The following HPS6 variants were observed in gnomAD, a reference collection of about 807,000 sequenced individuals.
The protein encoded by HPS6 is BLOC-2 complex member HPS6.
A neutral mutation model predicts 53.6 loss-of-function variants in HPS6; 46 were observed. The observed-to-expected ratio is 0.86, with a 90% CI of 0.68 to 1.10. HPS6 has a LOEUF of 1.10. HPS6 is among the 50% of genes least tolerant of loss of function. The probability of loss-of-function intolerance (pLI) is 0.00; values close to 1 mark genes in which losing one functional copy is unlikely to be tolerated. For synonymous variants in HPS6, 535 were observed against 470.8 expected (o/e 1.14, Z -1.77); for missense variants, 1,034 against 991.3 (o/e 1.04, Z -0.58).
chr10:102,066,416 T>C lies in HPS6; in HGVS notation c.942T>C (p.Ser314=). ...LQEAPVGPWG[S]AALGTFQGTL... is the part of the protein sequence containing the mutation. ...AGGCACCTGTAGGCCCGTGGGGGTCTGCAGCCCTAGGCACATTTCAGGGCA... is the reference window on the plus strand; with the variant it reads ...AGGCACCTGTAGGCCCGTGGGGGTCCGCAGCCCTAGGCACATTTCAGGGCA... Residue 314 remains serine, a synonymous_variant, in exon 1 of 1, where the codon TCT becomes TCC. Coordinates refer to ENST00000299238, the MANE Select transcript of HPS6 (RefSeq NM_024747.6). 1 of 1,614,084 alleles carries C rather than the reference T, an allele frequency of 6.2e-7. No individual in the cohort carries two copies. The highest frequency in any genetic ancestry group is 8.5e-7 in the Non-Finnish European group (1 of 1,180,030).
chr10:102,067,394 C>T lies in HPS6; in HGVS notation c.1920C>T (p.Val640=), dbSNP rs750596717. 8.1e-6 allele frequency: 13 copies of T among 1,612,754 alleles called. No individual in the cohort carries two copies. Among genetic ancestry groups the T allele is most frequent in the African/African-American group, 6.7e-5 (5 of 74,940 alleles). The change falls in exon 1 of 1, where the codon GTC becomes GTT. Residue 640 remains valine, a synonymous_variant. Transcript: ENST00000299238. ...SGRPKAVLQA[V]GQLVQKEQWD... ...GGCCTAAAGCTGTGCTCCAAGCTGT[C>T]GGGCAGCTGGTGCAAAAGGAACAAT...
chr10:102,066,289 C>T lies in HPS6; in HGVS notation c.815C>T (p.Thr272Ile), dbSNP rs281865109. The T allele has an allele frequency of 1.2e-6, 2 of 1,614,058 alleles. No individual in the cohort carries two copies. Among genetic ancestry groups the T allele is most frequent in the Non-Finnish European group, 1.7e-6 (2 of 1,180,026 alleles). ...LSPREPLAVH[T>I]WAPTPQGLLL... is the part of the protein sequence containing the mutation. Reference sequence around the variant, plus strand: ...CCCAGGGAGCCACTGGCTGTACACACCTGGGCCCCAACTCCCCAGGGCCTG... The same window carrying T: ...CCCAGGGAGCCACTGGCTGTACACATCTGGGCCCCAACTCCCCAGGGCCTG... The change falls in exon 1 of 1, where the codon ACC (threonine) becomes ATC (isoleucine). Residue 272 changes from threonine (T) to isoleucine (I), a missense_variant. By Grantham distance (89) the Thr-to-Ile change is moderately conservative. Coordinates refer to ENST00000299238, the MANE Select transcript of HPS6 (RefSeq NM_024747.6).
Position 102,067,587 on chromosome 10 carries a change from C to T in HPS6, c.2113C>T (p.Leu705=). Residue 705 remains leucine (L), a synonymous_variant, in exon 1 of 1, where the codon CTG becomes TTG. Coordinates refer to ENST00000299238, the MANE Select transcript of HPS6 (RefSeq NM_024747.6). ...CPPELAPAEL[L]LLLRTYLPDE... is the part of the protein sequence containing the mutation. The stretch of plus-strand genomic sequence containing the variant: ...ACCAGAACTGGCTCCAGCTGAGCTC[C>T]TGCTTCTACTGAGGACATACCTCCC... The T allele has an allele frequency of 1.2e-6, 2 of 1,613,826 alleles. No homozygotes were observed. The highest frequency in any genetic ancestry group is 1.7e-5 in the Admixed American group (1 of 60,020).
At position 102,065,496 on chromosome 10, in the gene HPS6, C is replaced by T; in HGVS notation, c.22C>T (p.Arg8Trp). 2 of 1,559,666 alleles carry T rather than the reference C, an allele frequency of 1.3e-6. No homozygotes were observed. The highest frequency in any genetic ancestry group is 8.6e-7 in the Non-Finnish European group (1 of 1,164,166). The change falls in exon 1 of 1, where the codon CGG becomes TGG. Residue 8 changes from arginine to tryptophan, a missense_variant. Transcript: ENST00000299238. MKRSGTL[R>W]LLSDLSAFGG... ...CGCCATGAAGCGCTCGGGGACTCTG[C>T]GGCTGCTCTCGGACCTGAGCGCCTT...
chr10:102,065,986 G>T lies in HPS6; in HGVS notation c.512G>T (p.Ser171Ile), dbSNP rs202026453. The change falls in exon 1 of 1, where the codon AGC (serine) becomes ATC (isoleucine). Residue 171 changes from serine (S) to isoleucine (I), a missense_variant. By Grantham distance (142) the Ser-to-Ile change is moderately radical. Coordinates refer to ENST00000299238, the MANE Select transcript of HPS6 (RefSeq NM_024747.6). ...HCVCVRTLEP[S>I]GEASTSLGRT... ...GTGTGCGTCCGGACTCTGGAGCCCA[G>T]CGGGGAAGCTAGCACCAGCCTGGGC... 59 of 1,600,508 alleles carry T rather than the reference G, an allele frequency of 3.7e-5. No individual in the cohort carries two copies. In the African/African-American group the frequency reaches 5.6e-4, roughly 15 times the overall value.
chr10:102,066,758 C>G lies in HPS6; in HGVS notation c.1284C>G (p.His428Gln). Residue 428 changes from histidine to glutamine, a missense_variant, in exon 1 of 1, where the codon CAC becomes CAG. Transcript: ENST00000299238. ...AGCTCACTCCAGAAGAACTGAGACA[C>G]AGCAGCACATTCCGGGCACCTCAGG... is the stretch of plus-strand genomic sequence containing the variant. The part of the protein sequence containing the change: ...GAQLTPEELR[H>Q]SSTFRAPQAL... 6.2e-7 allele frequency: 1 copy of G among 1,614,142 alleles called. No homozygotes were observed. The highest frequency in any genetic ancestry group is 1.1e-5 in the South Asian group (1 of 91,090).
rs200340404 is a variant in HPS6 at position 102,067,497 on chromosome 10, C to G, written c.2023C>G (p.Leu675Val). 1 of 1,613,800 alleles carries G rather than the reference C, an allele frequency of 6.2e-7. No homozygotes were observed. The highest frequency in any genetic ancestry group is 2.2e-5 in the East Asian group (1 of 44,890). Residue 675 changes from leucine to valine, a missense_variant, in exon 1 of 1, where the codon CTG becomes GTG. Leu to Val is a conservative substitution (Grantham distance 32, BLOSUM62 1). Coordinates refer to ENST00000299238, the MANE Select transcript of HPS6 (RefSeq NM_024747.6). ...LLRSEIFKLL[L>V]AEFAQHRRLD... is the part of the protein sequence containing the mutation. The stretch of plus-strand genomic sequence containing the variant: ...TCGAAGTGAAATCTTCAAACTGCTG[C>G]TGGCCGAGTTTGCCCAGCACCGCCG...
rs1462666008 is a variant in HPS6, at chr10:102,067,217, A to G, written c.1743A>G (p.Pro581=). 1 of 1,611,808 alleles carries G rather than the reference A, an allele frequency of 6.2e-7. No individual in the cohort carries two copies. The highest frequency in any genetic ancestry group is 1.7e-5 in the Admixed American group (1 of 60,014). The part of the protein sequence containing the change: ...CLCQLEPRWL[P]PFVELAQQQG... ...GCCAGCTGGAGCCTCGATGGCTGCC[A>G]CCCTTTGTGGAGCTGGCACAGCAGC... The change falls in exon 1 of 1, where the codon CCA becomes CCG. Residue 581 remains proline (P), a synonymous_variant. Transcript: ENST00000299238.
chr10:102,065,512 T>G lies in HPS6; in HGVS notation c.38T>G (p.Leu13Arg), dbSNP rs776488471. The G allele has an allele frequency of 1.3e-5, 20 of 1,556,396 alleles. No individual in the cohort carries two copies. The highest frequency in any genetic ancestry group is 1.6e-5 in the Non-Finnish European group (19 of 1,162,852). ...RSGTLRLLSDLSAFGGAARLR... is the reference protein window; with the variant it reads ...RSGTLRLLSDRSAFGGAARLR... ...GGGACTCTGCGGCTGCTCTCGGACC[T>G]GAGCGCCTTCGGCGGCGCGGCGCGG... The change falls in exon 1 of 1, where the codon CTG becomes CGG. Residue 13 changes from leucine (L) to arginine (R), a missense_variant. Leu to Arg is a moderately radical substitution (Grantham distance 102). Coordinates refer to ENST00000299238, the MANE Select transcript of HPS6 (RefSeq NM_024747.6).
In HPS6 at chr10:102,065,429, G is replaced by A. The variant is rs2067959738; in HGVS notation, c.-46G>A. Reference sequence around the variant, plus strand: ...AGAATCGGGCCTCGCCCTGCTGGGCGGCTGGACCTGGGCAAAGCCTGGGCG... The same window carrying A: ...AGAATCGGGCCTCGCCCTGCTGGGCAGCTGGACCTGGGCAAAGCCTGGGCG... On this transcript the variant is annotated 5_prime_UTR_variant, in exon 1 of 1. Coordinates refer to ENST00000299238, the MANE Select transcript of HPS6 (RefSeq NM_024747.6). The A allele has an allele frequency of 2.6e-6, 4 of 1,516,408 alleles. No individual in the cohort carries two copies. The highest frequency in any genetic ancestry group is 2.4e-5 in the South Asian group (2 of 81,748). 93.9% of individuals were successfully genotyped at this position (1,516,408 alleles called of 1,614,324 possible).
Position 102,065,710 on chromosome 10 carries a change from T to A in HPS6, c.236T>A (p.Leu79Gln). Residue 79 changes from leucine (L) to glutamine (Q), a missense_variant, in exon 1 of 1, where the codon CTG (leucine) becomes CAG (glutamine). Coordinates refer to ENST00000299238, the MANE Select transcript of HPS6 (RefSeq NM_024747.6). ...TGGCCGGCCGGCCAGCCCTCCCCGC[T>A]GGACGCCTTCTTCCTGCCGTGGCCA... ...RAWPAGQPSP[L>Q]DAFFLPWPAR... 6.6e-7 allele frequency: 1 copy of A among 1,508,076 alleles called. No individual in the cohort carries two copies. The highest frequency in any genetic ancestry group is 8.8e-7 in the Non-Finnish European group (1 of 1,136,428). 93.4% of individuals were successfully genotyped at this position (1,508,076 alleles called of 1,614,324 possible).
In HPS6 at chr10:102,067,665, C is replaced by G. The variant is rs753594956; in HGVS notation, c.2191C>G (p.Leu731Val). 5 of 1,613,892 alleles carry G rather than the reference C, an allele frequency of 3.1e-6. No individual in the cohort carries two copies. Among genetic ancestry groups the G allele is most frequent in the Non-Finnish European group, 4.2e-6 (5 of 1,180,054 alleles). The change falls in exon 1 of 1, where the codon CTC (leucine) becomes GTC (valine). Residue 731 changes from leucine to valine, a missense_variant. By Grantham distance (32) the Leu-to-Val change is conservative. Coordinates refer to ENST00000299238, the MANE Select transcript of HPS6 (RefSeq NM_024747.6). ...PFPEPGAEPP[L>V]TVGLLKALLE... is the part of the protein sequence containing the mutation. The stretch of plus-strand genomic sequence containing the variant: ...CCCTGAGCCTGGAGCAGAGCCCCCT[C>G]TCACTGTGGGCTTGCTCAAAGCCCT...
chr10:102,066,114 C>T lies in HPS6; in HGVS notation c.640C>T (p.His214Tyr), dbSNP rs1483931837. 2 of 1,613,666 alleles carry T rather than the reference C, an allele frequency of 1.2e-6. No individual in the cohort carries two copies. Among genetic ancestry groups the T allele is most frequent in the South Asian group, 1.1e-5 (1 of 91,090 alleles). The change falls in exon 1 of 1, where the codon CAC (histidine) becomes TAC (tyrosine). Residue 214 changes from histidine (H) to tyrosine (Y), a missense_variant. By Grantham distance (83) the His-to-Tyr change is moderately conservative. Coordinates refer to ENST00000299238, the MANE Select transcript of HPS6 (RefSeq NM_024747.6). Reference protein sequence around the residue: ...PTATTWPGVAHVLLIWSPGKG... With the variant: ...PTATTWPGVAYVLLIWSPGKG... ...TGCCACCACCTGGCCTGGCGTGGCC[C>T]ACGTTCTACTCATCTGGAGCCCAGG...
At position 102,067,413 on chromosome 10, in the gene HPS6, G is replaced by A. The variant is rs1176282599; in HGVS notation, c.1939G>A (p.Glu647Lys). 3 of 1,613,050 alleles carry A rather than the reference G, an allele frequency of 1.9e-6. No individual in the cohort carries two copies. Residue 647 changes from glutamate to lysine, a missense_variant, in exon 1 of 1, where the codon GAA becomes AAA. Transcript: ENST00000299238. ...LQAVGQLVQKEQWDRALDAGL... is the reference protein window; with the variant it reads ...LQAVGQLVQKKQWDRALDAGL... ...AGCTGTCGGGCAGCTGGTGCAAAAG[G>A]AACAATGGGATCGGGCTCTGGATGC... is the stretch of plus-strand genomic sequence containing the variant.
chr10:102,066,709 A>G lies in HPS6; in HGVS notation c.1235A>G (p.Gln412Arg), dbSNP rs1387573887. 1 of 1,613,944 alleles carries G rather than the reference A, an allele frequency of 6.2e-7. No individual in the cohort carries two copies. The highest frequency in any genetic ancestry group is 8.5e-7 in the Non-Finnish European group (1 of 1,179,992). The change falls in exon 1 of 1, where the codon CAG (glutamine) becomes CGG (arginine). Residue 412 changes from glutamine to arginine, a missense_variant. Transcript: ENST00000299238. The part of the protein sequence containing the change: ...LVFEEACGYY[Q>R]RRSLRGAQLT... ...TTTGAGGAGGCCTGCGGGTACTACCAGCGGCGGAGCCTGCGGGGTGCCCAG... is the reference window on the plus strand; with the variant it reads ...TTTGAGGAGGCCTGCGGGTACTACCGGCGGCGGAGCCTGCGGGGTGCCCAG...
chr10:102,067,658 G>T lies in HPS6; in HGVS notation c.2184G>T (p.Glu728Asp), dbSNP rs760282223. 5 of 1,613,976 alleles carry T rather than the reference G, an allele frequency of 3.1e-6. No homozygotes were observed. The highest frequency in any genetic ancestry group is 1.1e-5 in the South Asian group (1 of 91,084). Reference protein sequence around the residue: ...PPTPFPEPGAEPPLTVGLLKA... With the variant: ...PPTPFPEPGADPPLTVGLLKA... ...CCCCATTCCCTGAGCCTGGAGCAGA[G>T]CCCCCTCTCACTGTGGGCTTGCTCA... Residue 728 changes from glutamate to aspartate, a missense_variant, in exon 1 of 1, where the codon GAG becomes GAT. By Grantham distance (45) the Glu-to-Asp change is conservative. Transcript: ENST00000299238.
chr10:102,066,729 G>T lies in HPS6; in HGVS notation c.1255G>T (p.Ala419Ser). 1 of 1,613,968 alleles carries T rather than the reference G, an allele frequency of 6.2e-7. No individual in the cohort carries two copies. The highest frequency in any genetic ancestry group is 2.2e-5 in the East Asian group (1 of 44,888). The change falls in exon 1 of 1, where the codon GCC becomes TCC. Residue 419 changes from alanine to serine, a missense_variant. By Grantham distance (99) the Ala-to-Ser change is moderately conservative. Coordinates refer to ENST00000299238, the MANE Select transcript of HPS6 (RefSeq NM_024747.6). Reference sequence around the variant, plus strand: ...CTACCAGCGGCGGAGCCTGCGGGGTGCCCAGCTCACTCCAGAAGAACTGAG... The same window carrying T: ...CTACCAGCGGCGGAGCCTGCGGGGTTCCCAGCTCACTCCAGAAGAACTGAG... ...GYYQRRSLRG[A>S]QLTPEELRHS...
rs932759565 is a variant in HPS6 at position 102,066,021 on chromosome 10, G to A, written c.547G>A (p.Val183Ile). Residue 183 changes from valine (V) to isoleucine (I), a missense_variant, in exon 1 of 1, where the codon GTC becomes ATC. Coordinates refer to ENST00000299238, the MANE Select transcript of HPS6 (RefSeq NM_024747.6). ...TAGCACCAGCCTGGGCCGCACACAC[G>A]TCCTGCTGCACCACTGCCCTGCCTT... The part of the protein sequence containing the change: ...EASTSLGRTH[V>I]LLHHCPAFGL... The A allele has an allele frequency of 1.2e-6, 2 of 1,605,922 alleles. No homozygotes were observed. The highest frequency in any genetic ancestry group is 1.1e-5 in the South Asian group (1 of 91,070).
Position 102,066,249 on chromosome 10 carries a change from C to T in HPS6, c.775C>T (p.Pro259Ser), listed in dbSNP as rs1399468336. The change falls in exon 1 of 1, where the codon CCT becomes TCT. Residue 259 changes from proline to serine, a missense_variant. Transcript: ENST00000299238. ...CTTCCGGACCCTGCTCCGAGGCCTT[C>T]CTGGGTTGCTGTCCCCCAGGGAGCC... ...WDFRTLLRGL[P>S]GLLSPREPLA... 1 of 1,613,996 alleles carries T rather than the reference C, an allele frequency of 6.2e-7. No individual in the cohort carries two copies. Among genetic ancestry groups the T allele is most frequent in the Non-Finnish European group, 8.5e-7 (1 of 1,180,034 alleles).
Sources: allele counts gnomAD v4.1 joint callset, GRCh38; gene constraint gnomAD v4.1.1; transcripts MANE v1.5; gene names NCBI Gene and HGNC (gene_info 2026-07-23, HGNC 2026-07-21).